Variants in GATB observed in about 807,000 individuals in gnomAD.
GATB encodes the protein glutamyl-tRNA amidotransferase subunit B, also known as glutamyl-tRNA(Gln) amidotransferase subunit B, mitochondrial.
Under a neutral mutation model 62.3 loss-of-function variants are expected in GATB, and 39 were observed. The observed-to-expected ratio is 0.63, with a 90% CI of 0.48 to 0.82. GATB has a LOEUF of 0.82. Ranked by LOEUF, GATB falls within the 40% of genes least tolerant of loss-of-function variation. GATB has a pLI of 0.00. For missense variants in GATB, 670 were observed against 684.0 expected (o/e 0.98, Z 0.23); for synonymous variants, 276 against 258.9 (o/e 1.07, Z -0.63).
chr4:151,675,921 TA>T (rs1390172817), intron 11 of GATB: 3 of 152,234 alleles, frequency 2.0e-5, no homozygotes, highest in Non-Finnish European at 4.4e-5. Flanking sequence ...TGTTTCTAGC[TA>T]AAGCTATTTT....
chr4:151,686,653 C>CT (rs1553966462), intron 10 of GATB, among the ~76,000 whole-genome samples: 2 of 26,676 alleles, frequency 7.5e-5, no homozygotes, highest in Admixed American at 5.6e-4. Context: ...CCCCGCCCCG[C>CT]CCCCCCCCCA....
chr4:151,747,994 C>G (rs1739636172), intron 2 of GATB, among the ~76,000 whole-genome samples: 1 of 152,168 alleles, frequency 6.6e-6, no homozygotes, highest in Non-Finnish European at 1.5e-5. Context: ...CTACAAATCA[C>G]TGCTCAATGA....
chr4:151,709,024 G>C (rs1456789126), intron 5 of GATB, among the ~76,000 whole-genome samples: 6 of 152,224 alleles, frequency 3.9e-5, no homozygotes, highest in Admixed American at 3.9e-4. Flanking sequence ...AAAGAGAACA[G>C]AGTGAGAAGA....
intron 2 of GATB, among the ~76,000 whole-genome samples, chr4:151,732,311 C>G (rs1446711927): frequency 6.6e-6 from 1 of 152,222 alleles, no homozygotes; most frequent in Non-Finnish European, 1.5e-5. Context: ...ATAGAGAAAT[C>G]AGATTGTTGC....
At chr4:151,723,418 A>C (rs1362852601) in intron 2 of GATB, 1 of 152,240 alleles carries the variant, frequency 6.6e-6, no homozygotes, top group Non-Finnish European at 1.5e-5. Flanking sequence ...CTGAAATCTT[A>C]CAAGAAAAAA....
chr4:151,726,270 C>T (rs1219482676), intron 2 of GATB, among the ~76,000 whole-genome samples: 1 of 152,200 alleles, frequency 6.6e-6, no homozygotes, highest in Admixed American at 6.5e-5. Context: ...AAAGTTACCA[C>T]ACGGATAAAT....
At chr4:151,758,354 T>G (rs1010353887) in intron 2 of GATB, among the ~76,000 whole-genome samples, 3 of 152,200 alleles carry the variant, frequency 2.0e-5, no homozygotes, top group Non-Finnish European at 4.4e-5. Flanking sequence ...AGTCCTTTCT[T>G]TTACTGAATT....
At chr4:151,741,418 G>A (rs1739482753) in intron 2 of GATB, among the ~76,000 whole-genome samples, 4 of 152,134 alleles carry the variant, frequency 2.6e-5, no homozygotes, top group Admixed American at 2.6e-4. Context: ...TCTAATAAGG[G>A]CTTATTATTT....
intron 2 of GATB, among the ~76,000 whole-genome samples, chr4:151,739,189 G>T (rs1357958711): frequency 1.3e-5 from 2 of 152,218 alleles, no homozygotes; most frequent in Non-Finnish European, 2.9e-5. Flanking sequence ...AAGGCTCCCA[G>T]AAGCACTAAT....
intron 2 of GATB, among the ~76,000 whole-genome samples, chr4:151,731,370 G>T (rs1739245315): frequency 6.6e-6 from 1 of 152,208 alleles, no homozygotes; most frequent in African/African-American, 2.4e-5. Flanking sequence ...GCCAGCCTCG[G>T]CCTCCTGAGA....
chr4:151,727,268 A>C (rs1199286445), intron 2 of GATB, among the ~76,000 whole-genome samples: 1 of 152,160 alleles, frequency 6.6e-6, no homozygotes, highest in Non-Finnish European at 1.5e-5. Flanking sequence ...TCTGAGATTT[A>C]CCTCAGGGAT....
chr4:151,740,303 T>C (rs1243489912), intron 2 of GATB, among the ~76,000 whole-genome samples: 3 of 152,220 alleles, frequency 2.0e-5, no homozygotes, highest in Non-Finnish European at 4.4e-5. Flanking sequence ...TGCTGTTGCA[T>C]GAACATCGTA....
intron 7 of GATB, among the ~76,000 whole-genome samples, chr4:151,704,781 C>A (rs1187942381): frequency 6.7e-6 from 1 of 150,016 alleles, no homozygotes; most frequent in South Asian, 2.1e-4. Flanking sequence ...AGGAGTCTCG[C>A]TCTGTCGCCC....
intron 2 of GATB, among the ~76,000 whole-genome samples, chr4:151,741,559 G>A (rs1445174043): frequency 2.0e-5 from 3 of 152,210 alleles, no homozygotes; most frequent in Non-Finnish European, 4.4e-5. Flanking sequence ...GTGGGGAGAT[G>A]AGCAAGCTGC....
chr4:151,732,031 A>C (rs1295379902), intron 2 of GATB, among the ~76,000 whole-genome samples: 2 of 120,032 alleles, frequency 1.7e-5, no homozygotes, highest in African/African-American at 3.7e-5. Context: ...CCGCCCGGCC[A>C]GCCGCCCCGT....
chr4:151,736,795 T>A (rs1031865474), intron 2 of GATB, among the ~76,000 whole-genome samples: 1 of 152,172 alleles, frequency 6.6e-6, no homozygotes, highest in African/African-American at 2.4e-5. Context: ...GCTGTTCTCG[T>A]GATAGAGAAT....
chr4:151,717,593 G>A (rs894814803), intron 3 of GATB, among the ~76,000 whole-genome samples: 1 of 152,142 alleles, frequency 6.6e-6, no homozygotes, highest in Non-Finnish European at 1.5e-5. Context: ...AATCATGGCA[G>A]CTGCCCTCCC....
intron 10 of GATB, among the ~76,000 whole-genome samples, chr4:151,686,184 G>A (rs568133772): frequency 5.3e-5 from 8 of 152,198 alleles, no homozygotes; most frequent in East Asian, 1.9e-4. Context: ...GGCCCACAAC[G>A]TGCCGGGCAC....
chr4:151,758,911 C>T lies in GATB; in HGVS notation c.188G>A (p.Trp63Ter), dbSNP rs527361848. 1.2e-6 allele frequency: 2 copies of T among 1,602,262 alleles called. No individual in the cohort carries two copies. Among genetic ancestry groups the T allele is most frequent in the African/African-American group, 2.7e-5 (2 of 74,546 alleles). ...AQKTRKGEHK[W>*]AAVVGLEIHA... ...AATTTCCAAACCTACCACAGCAGCC[C>T]ATTTGTGTTCACTAAGAAGAAAGAG... Residue 63 changes from tryptophan (W) to a stop codon, truncating the protein, a stop_gained, in exon 2 of 13, where the codon TGG becomes TAG. Transcript: ENST00000263985. LOFTEE classifies it high-confidence loss of function.
Sources: allele counts gnomAD v4.1 joint callset (sites outside exome capture counted in the v4.1 genomes callset), GRCh38; gene constraint gnomAD v4.1.1; transcripts MANE v1.5; gene names NCBI Gene and HGNC (gene_info 2026-07-23, HGNC 2026-07-21).